Variants in NHSL1 observed in about 807,000 individuals in gnomAD.
NHSL1 encodes NHS-like protein 1.
NHSL1 carries 48 observed loss-of-function variants against 95.0 expected under a neutral mutation model. The observed-to-expected ratio is 0.51, with a 90% CI of 0.40 to 0.64. The LOEUF is 0.64. NHSL1 is among the 30% of genes least tolerant of loss of function. The pLI is 0.00. For synonymous variants in NHSL1, 783 were observed against 833.9 expected, an observed-to-expected ratio of 0.94 and a Z score of 1.05; for missense variants, 1,971 against 2,077.7, an observed-to-expected ratio of 0.95 and a Z score of 1.00.
intron 1 of NHSL1, chr6:138,651,015 C>A: frequency 6.9e-6 from 3 of 437,898 alleles, no homozygotes; most frequent in South Asian, 5.2e-5. Context: ...AAAGCAAGTT[C>A]GATCTCATCG....
chr6:138,482,953 T>C (rs1779515389), intron 2 of NHSL1, among the ~76,000 whole-genome samples: 1 of 152,212 alleles, frequency 6.6e-6, no homozygotes, highest in Admixed American at 6.5e-5. Context: ...ATAAAAATAC[T>C]GCTGAGTCCA....
At chr6:138,673,290 C>T (rs537663854) in intron 1 of NHSL1, among the ~76,000 whole-genome samples, 24 of 133,808 alleles carry the variant, frequency 1.8e-4, no homozygotes, top group South Asian at 5.3e-4. Context: ...ACTTGGTGGG[C>T]GGGGGTGAGG....
intron 1 of NHSL1, among the ~76,000 whole-genome samples, chr6:138,634,293 T>C (rs1019878078): frequency 6.6e-6 from 1 of 151,308 alleles, no homozygotes; most frequent in Non-Finnish European, 1.5e-5. Flanking sequence ...CAAGACTCAA[T>C]AATCGGTTGC....
chr6:138,519,064 A>G (rs1744842101), intron 1 of NHSL1, among the ~76,000 whole-genome samples: 1 of 152,008 alleles, frequency 6.6e-6, no homozygotes, highest in South Asian at 2.1e-4. Flanking sequence ...ATACATACAT[A>G]CATAATAAAA....
chr6:138,453,060 C>T (rs893111606), intron 3 of NHSL1, among the ~76,000 whole-genome samples: 2 of 151,784 alleles, frequency 1.3e-5, no homozygotes, highest in South Asian at 2.1e-4. Context: ...ACTGCATCTC[C>T]GCCTCCCAGG....
At chr6:138,609,674 C>T (rs1462312536) in intron 1 of NHSL1, among the ~76,000 whole-genome samples, 4 of 143,526 alleles carry the variant, frequency 2.8e-5, no homozygotes, top group South Asian at 2.2e-4. Context: ...GGCGTGAACC[C>T]GGGAGGCAGA....
intron 1 of NHSL1, among the ~76,000 whole-genome samples, chr6:138,562,945 T>G (rs989009461): frequency 2.0e-5 from 3 of 152,172 alleles, no homozygotes; most frequent in Non-Finnish European, 4.4e-5. Context: ...GGGCTTCAAG[T>G]CTAGGAGAAG....
intron 1 of NHSL1, among the ~76,000 whole-genome samples, chr6:138,637,397 G>A (rs1784901474): frequency 6.6e-6 from 1 of 152,098 alleles, no homozygotes; most frequent in African/African-American, 2.4e-5. Flanking sequence ...GAACACATTG[G>A]ATCACATCAA....
At position 138,560,606 on chromosome 6, in the gene NHSL1, T is replaced by C. The variant is rs114982038; in HGVS notation, c.202+11104A>G. Among the ~76,000 whole-genome samples the C allele has an allele frequency of 3.1e-3, 472 of 152,372 alleles. 3 individuals are homozygous for C. The highest frequency in any genetic ancestry group is 0.011 in the African/African-American group (446 of 41,590). ...AAGTCAGAGCATTCTATGTACTTTC[T>C]ACTGGTGAAAAACTTATGTAAATAA... On this transcript the variant is annotated intron_variant, in intron 1 of 6. Coordinates refer to the NHSL1 transcript ENST00000427025.
intron 1 of NHSL1, among the ~76,000 whole-genome samples, chr6:138,570,334 C>G (rs1188228402): frequency 2.0e-5 from 3 of 152,194 alleles, no homozygotes; most frequent in Non-Finnish European, 2.9e-5. Context: ...ATTTTTGTTT[C>G]AAACATTACA....
At chr6:138,563,904 T>C (rs986573384) in intron 1 of NHSL1, among the ~76,000 whole-genome samples, 6 of 151,966 alleles carry the variant, frequency 3.9e-5, no homozygotes, top group Non-Finnish European at 8.8e-5. Flanking sequence ...GACCAATTGG[T>C]GGGGAGGGGA....
rs1462055613 is a variant in NHSL1, at chr6:138,424,958, A to G, written c.4086-142T>C. The G allele has an allele frequency of 1.1e-5, 8 of 709,426 alleles. No individual in the cohort carries two copies. The highest frequency in any genetic ancestry group is 1.1e-5 in the Non-Finnish European group (5 of 437,496). 43.9% of individuals were successfully genotyped at this position (709,426 alleles called of 1,614,324 possible). On this transcript the variant is annotated intron_variant, in intron 7 of 7. Transcript: ENST00000343505. The surrounding 1 kb of genome is among the most constrained non-coding windows in gnomAD (Gnocchi z 5.9). ...AAAAAATTTATTTTTGACTGGGCAC[A>G]GTGGCTCACACCTGTAATCCCAGCA...
chr6:138,471,275 T>C (rs1005259727), intron 3 of NHSL1, among the ~76,000 whole-genome samples: 3 of 152,170 alleles, frequency 2.0e-5, no homozygotes, highest in African/African-American at 7.2e-5. Context: ...TTGCTAGTGG[T>C]CTCTACACAC....
chr6:138,660,800 A>AAC (rs957991643), intron 1 of NHSL1, among the ~76,000 whole-genome samples: 9 of 151,980 alleles, frequency 5.9e-5, no homozygotes, highest in African/African-American at 2.2e-4. Context: ...TACAAAAAAA[A>AAC]AAAAAAAAAT....
At chr6:138,619,990 C>T (rs1398430969) in intron 1 of NHSL1, among the ~76,000 whole-genome samples, 1 of 148,720 alleles carries the variant, frequency 6.7e-6, no homozygotes, top group Admixed American at 6.7e-5. Context: ...AAGTTAAAAC[C>T]ACTCAAACAA....
intron 1 of NHSL1, among the ~76,000 whole-genome samples, chr6:138,652,959 GTTTA>G (rs1785111949): frequency 6.6e-6 from 1 of 152,182 alleles, no homozygotes; most frequent in East Asian, 1.9e-4. Context: ...GTCTAAATTA[GTTTA>G]AGCAACTACT....
chr6:138,655,289 C>T (rs1785143166), intron 1 of NHSL1, among the ~76,000 whole-genome samples: 1 of 152,234 alleles, frequency 6.6e-6, no homozygotes, highest in Non-Finnish European at 1.5e-5. Flanking sequence ...CTGTCACCCT[C>T]TTCCCGCAGG....
intron 3 of NHSL1, among the ~76,000 whole-genome samples, chr6:138,472,862 T>C (rs930157724): frequency 6.6e-6 from 1 of 152,260 alleles, no homozygotes; most frequent in Non-Finnish European, 1.5e-5. Context: ...CTGAGCACTG[T>C]AAACAGTGGG....
At chr6:138,673,815 G>T (rs1320920736) in intron 1 of NHSL1, among the ~76,000 whole-genome samples, 1 of 152,188 alleles carries the variant, frequency 6.6e-6, no homozygotes, top group African/African-American at 2.4e-5. Flanking sequence ...CGATTAACAT[G>T]ATTTAAAAAC....
Sources: gnomAD v4.1 joint callset for allele counts (sites outside exome capture counted in the v4.1 genomes callset) on GRCh38, gnomAD v4.1.1 for gene constraint, Gnocchi (gnomAD v3.1) non-coding constraint, MANE v1.5 for transcripts, NCBI Gene and HGNC (gene_info 2026-07-23, HGNC 2026-07-21) for gene names.